EDAR: variants seen among roughly 807,000 people sequenced by gnomAD.
EDAR encodes tumor necrosis factor receptor superfamily member EDAR.
In EDAR, 38 loss-of-function variants were observed where a neutral mutation model predicts 51.3. The ratio of observed to expected loss-of-function variants is 0.74; its 90% CI spans 0.57 to 0.97. The LOEUF (loss-of-function observed/expected upper bound fraction) is 0.97. Ranked by LOEUF, EDAR falls within the 50% of genes least tolerant of loss-of-function variation. The pLI is 0.00. For missense variants in EDAR, 528 were observed against 595.0 expected (o/e 0.89, Z 1.17); for synonymous variants, 227 against 242.1 (o/e 0.94, Z 0.58).
intron 1 of EDAR, among the ~76,000 whole-genome samples, chr2:108,976,001 A>T (rs1483159209): frequency 6.6e-6 from 1 of 152,188 alleles, no homozygotes; most frequent in East Asian, 1.9e-4. Flanking sequence ...ACCCCACACC[A>T]GTTTTCCTTT....
At chr2:108,985,299 G>A (rs79487742) in intron 1 of EDAR, among the ~76,000 whole-genome samples, 2,264 of 152,282 alleles carry the variant, frequency 0.015, 69 homozygotes, top group African/African-American at 0.052. Flanking sequence ...CGTGACTGTG[G>A]TTGTTATTGC....
At chr2:108,923,582 C>T (rs1160231251) in intron 4 of EDAR, 129 bp from the exon 5 acceptor site, 3 of 757,304 alleles carry the variant, frequency 4.0e-6, no homozygotes, top group Non-Finnish European at 7.1e-6. Flanking sequence ...CACGCCCACT[C>T]AGTCACCTGC....
chr2:108,975,215 G>A (rs551191495), intron 1 of EDAR, among the ~76,000 whole-genome samples: 1 of 152,350 alleles, frequency 6.6e-6, no homozygotes, highest in South Asian at 2.1e-4. Flanking sequence ...GGGCAAAGGA[G>A]AGAGAGGATC....
intron 4 of EDAR, among the ~76,000 whole-genome samples, chr2:108,923,797 C>T (rs1054652018): frequency 5.3e-5 from 8 of 152,226 alleles, no homozygotes; most frequent in African/African-American, 1.9e-4. Context: ...GCTTAGCCCC[C>T]CAGGGGTCAC....
intron 4 of EDAR, among the ~76,000 whole-genome samples, chr2:108,926,776 C>T (rs1283876010): frequency 2.0e-5 from 3 of 152,228 alleles, no homozygotes; most frequent in South Asian, 2.1e-4. Context: ...CCTGCCAAAC[C>T]GCAGGCAGGG....
chr2:108,987,913 T>C (rs1024193831), intron 1 of EDAR, among the ~76,000 whole-genome samples: 11 of 152,216 alleles, frequency 7.2e-5, no homozygotes, highest in Non-Finnish European at 1.5e-4. Context: ...CAAGAAACAT[T>C]CTCTATTTTA....
Position 108,911,001 on chromosome 2 carries a change from CGAT to C in EDAR, c.598_600del (p.Ile200del). The C allele has an allele frequency of 6.2e-7, 1 of 1,614,098 alleles. No homozygotes were observed. On this transcript the variant is annotated inframe_deletion, in exon 7 of 12. Transcript: ENST00000258443. Reference sequence around the variant, plus strand: ...TAGAACATGATGATGAGGACGATGGCGATGGCCATGATGAAGATGGTGGACATT... The same window carrying C: ...TAGAACATGATGATGAGGACGATGGCGGCCATGATGAAGATGGTGGACATT...
chr2:108,977,015 C>T (rs1033787418), intron 1 of EDAR, among the ~76,000 whole-genome samples: 1 of 152,072 alleles, frequency 6.6e-6, no homozygotes, highest in Non-Finnish European at 1.5e-5. Context: ...TCTGAGGGTG[C>T]CCCAAATACC....
chr2:108,924,208 G>A (rs560546421), intron 4 of EDAR, among the ~76,000 whole-genome samples: 151 of 152,312 alleles, frequency 9.9e-4, no homozygotes, highest in Non-Finnish European at 1.1e-3. Flanking sequence ...TCAGCTCCCC[G>A]ATGTCACAGT....
intron 1 of EDAR, among the ~76,000 whole-genome samples, chr2:108,974,329 CAAAAAAAAAAAAAAAA>C (rs11346592): frequency 1.6e-5 from 1 of 61,496 alleles, no homozygotes; most frequent in African/African-American, 6.7e-5. Context: ...GGATCCGTCT[CAAAAAAAAAAAAAAAA>C]AAAAAAAAAG....
chr2:108,916,544 T>C (rs1285597172), intron 5 of EDAR, among the ~76,000 whole-genome samples: 2 of 152,134 alleles, frequency 1.3e-5, no homozygotes, highest in Admixed American at 6.5e-5. Flanking sequence ...GCTGTGCCTC[T>C]ATCCTGATCA....
At chr2:108,979,430 C>T (rs4676047) in intron 1 of EDAR, among the ~76,000 whole-genome samples, 1 of 148,256 alleles carries the variant, frequency 6.7e-6, no homozygotes, top group Non-Finnish European at 1.5e-5. Flanking sequence ...CTGTCTCTCT[C>T]TCTCTTTCTC....
At position 108,907,930 on chromosome 2, in the gene EDAR, G is replaced by C. The variant is rs768660721; in HGVS notation, c.893C>G (p.Pro298Arg). 1.9e-5 allele frequency: 30 copies of C among 1,613,494 alleles called. No individual in the cohort carries two copies. In the Admixed American group the frequency reaches 5.0e-4, roughly 27 times the overall value. ...EEPAPDKQGS[P>R]ELCLLSLVHL... Reference sequence around the variant, plus strand: ...AACCAGCGACAGCAGGCACAGCTCCGGGGAGCCCTGCTTGTCAGGGGCGGG... The same window carrying C: ...AACCAGCGACAGCAGGCACAGCTCCCGGGAGCCCTGCTTGTCAGGGGCGGG... Residue 298 changes from proline to arginine, a missense_variant, in exon 10 of 12, where the codon CCG becomes CGG. Coordinates refer to ENST00000258443, the MANE Select transcript of EDAR (RefSeq NM_022336.4).
At chr2:108,950,674 C>T (rs1472759847) in intron 1 of EDAR, among the ~76,000 whole-genome samples, 1 of 152,232 alleles carries the variant, frequency 6.6e-6, no homozygotes, top group Non-Finnish European at 1.5e-5. Context: ...TTGGAGCTGC[C>T]CTCAGCCTTC....
At chr2:108,925,776 C>T (rs1421694896) in intron 4 of EDAR, among the ~76,000 whole-genome samples, 2 of 152,144 alleles carry the variant, frequency 1.3e-5, no homozygotes, top group East Asian at 3.9e-4. Context: ...CACCACGACG[C>T]CTGGCTAATT....
chr2:108,910,497 C>T lies in EDAR; in HGVS notation c.766G>A (p.Glu256Lys). 1 of 1,613,970 alleles carries T rather than the reference C, an allele frequency of 6.2e-7. No individual in the cohort carries two copies. The highest frequency in any genetic ancestry group is 8.5e-7 in the Non-Finnish European group (1 of 1,179,972). Residue 256 changes from glutamate (E) to lysine (K), a missense_variant, in exon 9 of 12, where the codon GAG becomes AAG. Transcript: ENST00000258443. ...TTTGCTGGAGTTGCTGTCAGCTTCT[C>T]AAATTCATCCTTCTCGGAGAACATC... ...VVMFSEKDEFEKLTATPAKPT... is the reference protein window; with the variant it reads ...VVMFSEKDEFKKLTATPAKPT...
intron 11 of EDAR, among the ~76,000 whole-genome samples, chr2:108,898,875 A>T (rs1415361228): frequency 1.3e-5 from 2 of 152,246 alleles, no homozygotes; most frequent in African/African-American, 4.8e-5. Context: ...TAGAAGTGGA[A>T]ATTACTCAAT....
At chr2:108,970,959 G>A (rs1698222748) in intron 1 of EDAR, among the ~76,000 whole-genome samples, 1 of 152,160 alleles carries the variant, frequency 6.6e-6, no homozygotes, top group Non-Finnish European at 1.5e-5. Flanking sequence ...AACCTAATTT[G>A]TGGAAGACTT....
chr2:108,905,648 A>T (rs1325011793), intron 11 of EDAR, among the ~76,000 whole-genome samples: 1 of 152,170 alleles, frequency 6.6e-6, no homozygotes, highest in Non-Finnish European at 1.5e-5. Flanking sequence ...CGAGTCCAGC[A>T]GCAGGAAAAC....
Sources: gnomAD v4.1 joint callset for allele counts (sites outside exome capture counted in the v4.1 genomes callset) on GRCh38, gnomAD v4.1.1 for gene constraint, MANE v1.5 for transcripts, NCBI Gene and HGNC (gene_info 2026-07-23, HGNC 2026-07-21) for gene names.